The following PTPRT variants were observed in gnomAD, a reference collection of about 807,000 sequenced individuals.
PTPRT encodes receptor-type tyrosine-protein phosphatase T.
In PTPRT, 56 loss-of-function variants were observed where a neutral mutation model predicts 176.8. The ratio of observed to expected loss-of-function variants is 0.32; its 90% CI spans 0.26 to 0.40. The LOEUF (loss-of-function observed/expected upper bound fraction) is 0.40, where lower values mean the gene tolerates loss of function less well. Ranked by LOEUF, PTPRT falls within the 10% of genes least tolerant of loss-of-function variation. The pLI is 1.00. For missense variants in PTPRT, 1,540 were observed against 1,908.2 expected, an observed-to-expected ratio of 0.81 and a Z score of 3.60; for synonymous variants, 783 against 739.0, an observed-to-expected ratio of 1.06 and a Z score of -0.96.
chr20:42,776,675 C>T (rs2077139906), intron 4 of PTPRT, among the ~76,000 whole-genome samples: 1 of 151,076 alleles, frequency 6.6e-6, no homozygotes, highest in Non-Finnish European at 1.5e-5. Context: ...AACGCACTGT[C>T]TGTGCATATA....
At chr20:42,572,739 C>T (rs1379407529) in intron 7 of PTPRT, among the ~76,000 whole-genome samples, 2 of 152,112 alleles carry the variant, frequency 1.3e-5, no homozygotes, top group Non-Finnish European at 2.9e-5. Flanking sequence ...TATCCAGGAA[C>T]TTGCACATAG....
intron 5 of PTPRT, 86 bp from the exon 6 acceptor site, chr20:42,756,722 T>C: frequency 8.2e-7 from 1 of 1,212,934 alleles, no homozygotes. Flanking sequence ...CCACCCATCC[T>C]CACACCCCTG....
chr20:42,457,890 G>A (rs527689312), intron 8 of PTPRT, among the ~76,000 whole-genome samples: 42 of 152,116 alleles, frequency 2.8e-4, no homozygotes, highest in Non-Finnish European at 5.6e-4. Flanking sequence ...ACGTAGGCTT[G>A]GAGGGGGAGC....
intron 7 of PTPRT, among the ~76,000 whole-genome samples, chr20:42,532,356 C>A (rs941483121): frequency 3.3e-5 from 5 of 152,148 alleles, no homozygotes; most frequent in African/African-American, 7.2e-5. Context: ...AGTCCTCCAG[C>A]AATCCATTCA....
intron 20 of PTPRT, 30 bp from the exon 21 acceptor site, chr20:42,118,530 G>T: frequency 1.3e-6 from 2 of 1,569,450 alleles, no homozygotes; most frequent in Non-Finnish European, 1.7e-6. Context: ...TGAGGTTAGA[G>T]AATGCAAGTG....
At chr20:42,818,129 G>A (rs1020403697) in intron 2 of PTPRT, among the ~76,000 whole-genome samples, 1 of 152,088 alleles carries the variant, frequency 6.6e-6, no homozygotes, top group Non-Finnish European at 1.5e-5. Context: ...GCATCAGTCT[G>A]GTGCCCCTCG....
intron 30 of PTPRT, among the ~76,000 whole-genome samples, chr20:42,081,264 G>C (rs1172056821): frequency 6.6e-6 from 1 of 152,186 alleles, no homozygotes; most frequent in African/African-American, 2.4e-5. Context: ...TAAATCTGGA[G>C]TGGGGCTCAA....
At chr20:42,462,431 AAT>A (rs1344050082) in intron 8 of PTPRT, among the ~76,000 whole-genome samples, 6 of 152,266 alleles carry the variant, frequency 3.9e-5, no homozygotes, top group East Asian at 3.9e-4. Flanking sequence ...TAGGGTTGTG[AAT>A]AGCTGGAAAT....
intron 6 of PTPRT, among the ~76,000 whole-genome samples, chr20:42,680,761 A>G (rs2075588993): frequency 6.6e-6 from 1 of 152,210 alleles, no homozygotes; most frequent in African/African-American, 2.4e-5. Context: ...TGACCACCAG[A>G]AAGAAAATAA....
intron 16 of PTPRT, among the ~76,000 whole-genome samples, chr20:42,189,912 T>A (rs990163557): frequency 6.6e-6 from 1 of 152,220 alleles, no homozygotes; most frequent in Admixed American, 6.6e-5. Flanking sequence ...TGTCTTAATT[T>A]AACTCCTTAG....
intron 7 of PTPRT, among the ~76,000 whole-genome samples, chr20:42,594,900 C>T (rs567145498): frequency 4.6e-5 from 7 of 152,242 alleles, no homozygotes; most frequent in Admixed American, 2.0e-4. Flanking sequence ...TGGTGTATGA[C>T]GTGGGAACCC....
chr20:42,633,819 A>ATATAT (rs1162225733), intron 7 of PTPRT, among the ~76,000 whole-genome samples: 3 of 85,582 alleles, frequency 3.5e-5, no homozygotes, highest in African/African-American at 2.0e-4. Flanking sequence ...ATATATATAT[A>ATATAT]ATAAAATATT....
At chr20:42,822,582 A>C (rs2077914861) in intron 2 of PTPRT, among the ~76,000 whole-genome samples, 1 of 152,248 alleles carries the variant, frequency 6.6e-6, no homozygotes. Context: ...GCTCCTGCAC[A>C]GCAAAAGAAA....
chr20:42,348,543 C>G (rs1361641458), intron 11 of PTPRT, among the ~76,000 whole-genome samples: 1 of 152,098 alleles, frequency 6.6e-6, no homozygotes, highest in East Asian at 1.9e-4. Context: ...GCTTTATAGC[C>G]TGAGTCAACT....
At chr20:42,651,613 A>G (rs2075031846) in intron 7 of PTPRT, among the ~76,000 whole-genome samples, 1 of 152,186 alleles carries the variant, frequency 6.6e-6, no homozygotes, top group Non-Finnish European at 1.5e-5. Flanking sequence ...AACATTACTA[A>G]TGATATTCAA....
chr20:42,308,034 A>G (rs1317060706), intron 12 of PTPRT, among the ~76,000 whole-genome samples: 1 of 152,194 alleles, frequency 6.6e-6, no homozygotes, highest in East Asian at 1.9e-4. Context: ...TGCTATGACA[A>G]CATCAAGAAG....
At chr20:42,872,098 C>T (rs2078855833) in intron 2 of PTPRT, among the ~76,000 whole-genome samples, 1 of 152,150 alleles carries the variant, frequency 6.6e-6, no homozygotes, top group South Asian at 2.1e-4. Flanking sequence ...AAACACAACA[C>T]CTAGGAAAGG....
chr20:42,119,731 G>C (rs573856714), intron 20 of PTPRT, among the ~76,000 whole-genome samples: 9 of 152,294 alleles, frequency 5.9e-5, no homozygotes, highest in African/African-American at 1.9e-4. Flanking sequence ...ACAATCTCAA[G>C]GACCTCTGGA....
At chr20:43,083,344 A>ATG (rs1885013708) in intron 1 of PTPRT, among the ~76,000 whole-genome samples, 1 of 121,232 alleles carries the variant, frequency 8.2e-6, no homozygotes, top group African/African-American at 3.0e-5. Context: ...ATATATATAT[A>ATG]TATATATATA....
Sources: gnomAD v4.1 joint callset for allele counts (sites outside exome capture counted in the v4.1 genomes callset) on GRCh38, gnomAD v4.1.1 for gene constraint, MANE v1.5 for transcripts, NCBI Gene and HGNC (gene_info 2026-07-23, HGNC 2026-07-21) for gene names.